TRAK1: variants seen among roughly 807,000 people sequenced by gnomAD.
TRAK1 encodes trafficking kinesin protein 1.
A neutral mutation model predicts 92.1 loss-of-function variants in TRAK1; 33 were observed. The ratio of observed to expected loss-of-function variants is 0.36; its 90% CI spans 0.27 to 0.48. The LOEUF (loss-of-function observed/expected upper bound fraction) is 0.48. Among genes scored for constraint, TRAK1 ranks in the 20% least tolerant of loss-of-function variants. TRAK1 has a pLI of 0.99. For missense variants in TRAK1, 1,123 were observed against 1,257.9 expected (o/e 0.89, Z 1.62); for synonymous variants, 521 against 517.3 (o/e 1.01, Z -0.10).
intron 1 of TRAK1, among the ~76,000 whole-genome samples, chr3:42,103,984 T>C (rs976946182): frequency 1.3e-5 from 2 of 152,178 alleles, no homozygotes; most frequent in Admixed American, 1.3e-4. Flanking sequence ...ACTGCGCTTT[T>C]CCAATGGTCT....
rs10710580 is a variant in TRAK1 at position 42,169,671 on chromosome 3, C to CA, written c.287-7127dup. On this transcript the variant is annotated intron_variant, in intron 2 of 15. Transcript: ENST00000327628. The stretch of plus-strand genomic sequence containing the variant: ...GAGCAACAAGAGCAAAACTCCATCT[C>CA]AAAAAAAAAAAAAAAAGTGGGGATA... 8.4e-3 allele frequency among the ~76,000 whole-genome samples: 1,170 copies of CA among 139,866 alleles called. 16 individuals are homozygous for CA. Among genetic ancestry groups the CA allele is most frequent in the African/African-American group, 0.029 (1,085 of 37,734 alleles). The allele number at this position is 139,866 out of a possible 152,430, so 91.8% of individuals were successfully genotyped here. A position where few individuals can be genotyped will look rare whatever the true frequency, so the allele number is the denominator to read the frequency against.
rs763820853 is a variant in TRAK1 at position 42,209,832 on chromosome 3, C to T, written c.1810C>T (p.Arg604Trp). ...TCACCTTGGGGGCATCCTGGACCCC[C>T]GGCCCGGTGTGGTCACCAAGGGCTT... ...QPHLGGILDPRPGVVTKGFRT... is the reference protein window; with the variant it reads ...QPHLGGILDPWPGVVTKGFRT... Residue 604 changes from arginine to tryptophan, a missense_variant, in exon 14 of 16, where the codon CGG (arginine) becomes TGG (tryptophan). Arg to Trp is a moderately radical substitution (Grantham distance 101). Transcript: ENST00000327628. 6 of 1,614,226 alleles carry T rather than the reference C, an allele frequency of 3.7e-6. No homozygotes were observed. The highest frequency in any genetic ancestry group is 4.2e-6 in the Non-Finnish European group (5 of 1,180,040).
At chr3:42,146,681 A>C (rs1318799411) in intron 2 of TRAK1, among the ~76,000 whole-genome samples, 1 of 152,168 alleles carries the variant, frequency 6.6e-6, no homozygotes, top group Non-Finnish European at 1.5e-5. Flanking sequence ...CAGCCTCCCA[A>C]GTAGCTGGGT....
At position 42,125,335 on chromosome 3, in the gene TRAK1, C is replaced by A. The variant is rs138819368; in HGVS notation, c.92-85C>A. The A allele has an allele frequency of 7.6e-3, 9,557 of 1,264,236 alleles. 52 individuals carry two copies. Among genetic ancestry groups the A allele is most frequent in the Middle Eastern group, 0.016 (65 of 4,058 alleles). 78.3% of individuals were successfully genotyped at this position (1,264,236 alleles called of 1,614,324 possible). On this transcript the variant is annotated intron_variant, in intron 1 of 15. Transcript: ENST00000327628. ...TGCTGTAGATAAATAACCGAAGATACCTGCCGCAGGCTACAAGTTTAGTTA... is the reference window on the plus strand; with the variant it reads ...TGCTGTAGATAAATAACCGAAGATAACTGCCGCAGGCTACAAGTTTAGTTA...
upstream of TRAK1, among the ~76,000 whole-genome samples, chr3:42,013,649 G>C (rs866743248): frequency 5.0e-3 from 746 of 147,920 alleles, 5 homozygotes; most frequent in Middle Eastern, 0.017. The surrounding 1 kb of genome is among the most constrained non-coding windows in gnomAD (Gnocchi z 5.1). Context: ...GCCCGCTCGC[G>C]GGGGAGCCAT....
At chr3:42,173,640 T>C (rs1166059843) in intron 2 of TRAK1, among the ~76,000 whole-genome samples, 2 of 152,196 alleles carry the variant, frequency 1.3e-5, no homozygotes, top group Non-Finnish European at 2.9e-5. Context: ...TCGTGTCCTT[T>C]ATGGTCTTCC....
rs114597068 is a variant in TRAK1, at chr3:42,055,534, C to T, written c.-518-31570C>T. Among the ~76,000 whole-genome samples the T allele has an allele frequency of 9.4e-3, 1,436 of 152,332 alleles. 17 individuals carry two copies. Among genetic ancestry groups the T allele is most frequent in the Non-Finnish European group, 0.012 (800 of 68,032 alleles). ...CTGGAATGCAATGGTGTGATCATGG[C>T]TTACTGCAGCCTCGACCTCCTGGGC... On this transcript the variant is annotated intron_variant, in intron 1 of 16. Coordinates refer to the TRAK1 transcript ENST00000487159.
chr3:42,088,497 CTTA>C (rs1286055070), upstream of TRAK1, among the ~76,000 whole-genome samples: 2 of 152,198 alleles, frequency 1.3e-5, no homozygotes, highest in Non-Finnish European at 2.9e-5. Context: ...TTGGGTCTTT[CTTA>C]TTAGTGCAGA....
intron 11 of TRAK1, 74 bp downstream of exon 11, chr3:42,199,327 A>G: frequency 6.8e-7 from 1 of 1,464,804 alleles, no homozygotes; most frequent in Non-Finnish European, 9.5e-7. Flanking sequence ...AAAACCTAGC[A>G]ATGTTGAGGC....
At chr3:42,070,193 G>A (rs992202723) in intron 1 of TRAK1, among the ~76,000 whole-genome samples, 1 of 150,476 alleles carries the variant, frequency 6.6e-6, no homozygotes, top group Non-Finnish European at 1.5e-5. Flanking sequence ...GAGTGAGCTT[G>A]TTACCTGCAC....
intron 2 of TRAK1, among the ~76,000 whole-genome samples, chr3:42,130,635 T>A (rs1261660731): frequency 6.6e-6 from 1 of 152,122 alleles, no homozygotes; most frequent in Non-Finnish European, 1.5e-5. Context: ...TTGCACTGGG[T>A]TGGACCAATG....
intron 14 of TRAK1, chr3:42,210,403 TAAAAAAAAA>T: frequency 9.3e-7 from 1 of 1,077,890 alleles, no homozygotes; most frequent in Non-Finnish European, 1.1e-6. Context: ...GAAAGGCTGC[TAAAAAAAAA>T]AAAAAAAAAA....
rs538431852 is a variant in TRAK1, at chr3:42,047,765, T to C, written c.-519+33648T>C. ...AGTAAGAAACCATCCCAAATTGTAC[T>C]ACTCAGAAATACCTAGTGTTGGTAG... On this transcript the variant is annotated intron_variant, in intron 1 of 16. Transcript: ENST00000487159. 2.0e-5 allele frequency among the ~76,000 whole-genome samples: 3 copies of C among 152,322 alleles called. No individual in the cohort carries two copies. In the Middle Eastern group the frequency reaches 0.01, roughly 518 times the overall value.
chr3:42,156,359 G>T (rs189306333), intron 2 of TRAK1, among the ~76,000 whole-genome samples: 1 of 152,210 alleles, frequency 6.6e-6, no homozygotes, highest in Non-Finnish European at 1.5e-5. Context: ...GAGGGATATC[G>T]TGAAGAGTGT....
chr3:42,176,393 C>T (rs1473403254), intron 2 of TRAK1, among the ~76,000 whole-genome samples: 1 of 152,120 alleles, frequency 6.6e-6, no homozygotes, highest in African/African-American at 2.4e-5. Context: ...CCAGTCTGTT[C>T]GTATGGTTGG....
intron 1 of TRAK1, among the ~76,000 whole-genome samples, chr3:42,031,866 T>C (rs1245805238): frequency 6.6e-6 from 1 of 152,056 alleles, no homozygotes; most frequent in African/African-American, 2.4e-5. Context: ...AGGGAGAGTA[T>C]AAAAAGATTA....
chr3:42,131,537 C>T (rs751912326), intron 2 of TRAK1, among the ~76,000 whole-genome samples: 8 of 149,762 alleles, frequency 5.3e-5, no homozygotes, highest in Admixed American at 1.3e-4. Flanking sequence ...GCTAACATGG[C>T]GAAACTCCAT....
At chr3:42,132,268 T>A (rs564270934) in intron 2 of TRAK1, among the ~76,000 whole-genome samples, 64 of 143,454 alleles carry the variant, frequency 4.5e-4, no homozygotes, top group African/African-American at 1.6e-3. Flanking sequence ...GTTTGGTGTA[T>A]TTTTTTTTTT....
intron 2 of TRAK1, among the ~76,000 whole-genome samples, chr3:42,142,181 G>A (rs1315168043): frequency 6.6e-6 from 1 of 152,062 alleles, no homozygotes; most frequent in Non-Finnish European, 1.5e-5. Context: ...CACCTGCAAA[G>A]ACCTTTTTTC....
Sources: gnomAD v4.1 joint callset for allele counts (sites outside exome capture counted in the v4.1 genomes callset) on GRCh38, gnomAD v4.1.1 for gene constraint, Gnocchi (gnomAD v3.1) non-coding constraint, MANE v1.5 for transcripts, NCBI Gene and HGNC (gene_info 2026-07-23, HGNC 2026-07-21) for gene names.